Variants in ZSCAN5A observed in about 807,000 individuals in gnomAD.
ZSCAN5A encodes the protein zinc finger and SCAN domain-containing protein 5A.
Under a neutral mutation model 23.7 loss-of-function variants are expected in ZSCAN5A, and 12 were observed. The ratio of observed to expected loss-of-function variants is 0.51; its 90% CI spans 0.32 to 0.82. ZSCAN5A has a LOEUF of 0.82. ZSCAN5A is among the 40% of genes least tolerant of loss of function. ZSCAN5A has a pLI of 0.03. For missense variants in ZSCAN5A, 597 were observed against 617.9 expected (o/e 0.97, Z 0.36); for synonymous variants, 257 against 239.9 (o/e 1.07, Z -0.66).
Position 56,221,576 on chromosome 19 carries a change from C to T in ZSCAN5A, c.1490G>A (p.Ter497=), listed in dbSNP as rs747626844. The change falls in exon 6 of 6, where the codon TGA becomes TAA. Residue 497 remains the stop codon, a stop_retained_variant. Transcript: ENST00000683990. The part of the protein sequence containing the change: ...QKTHPEATSQ[*] ...GAAGGCATAGACCGGATTATGCAAT[C>T]ACTGAGAAGTAGCTTCTGGATGTGT... The T allele has an allele frequency of 6.3e-7, 1 of 1,588,568 alleles. No individual in the cohort carries two copies. The highest frequency in any genetic ancestry group is 8.6e-7 in the Non-Finnish European group (1 of 1,168,596).
At chr19:56,281,668 C>A in intron 2 of ZSCAN5A, 1 of 984,856 alleles carries the variant, frequency 1.0e-6, no homozygotes, top group Non-Finnish European at 1.2e-6. Flanking sequence ...GATTCACTGG[C>A]TCCTGGCTCT....
At chr19:56,321,250 C>CA (rs1365095327) in intron 2 of ZSCAN5A, 3 of 668,096 alleles carry the variant, frequency 4.5e-6, no homozygotes, top group Admixed American at 2.1e-5. Context: ...GTTGGGGTAT[C>CA]AGTAGTGCCA....
At chr19:56,345,627 A>G (rs1259809403) in intron 2 of ZSCAN5A, among the ~76,000 whole-genome samples, 2 of 152,320 alleles carry the variant, frequency 1.3e-5, no homozygotes, top group Admixed American at 1.3e-4. Context: ...AAAATTTATC[A>G]TAGAATGGTA....
chr19:56,248,639 CCAAGGCTGGTCT>C (rs1236904724), intron 2 of ZSCAN5A, among the ~76,000 whole-genome samples: 1 of 152,072 alleles, frequency 6.6e-6, no homozygotes. Flanking sequence ...GGTTTTGTTG[CCAAGGCTGGTCT>C]CAAAGTCCTG....
intron 2 of ZSCAN5A, among the ~76,000 whole-genome samples, chr19:56,290,444 TGAGCTA>T (rs2039436329): frequency 1.3e-5 from 2 of 152,358 alleles, no homozygotes; most frequent in African/African-American, 4.8e-5. Flanking sequence ...TATTGACCTC[TGAGCTA>T]GAGCAGTGCT....
intron 2 of ZSCAN5A, among the ~76,000 whole-genome samples, chr19:56,237,222 C>G (rs953688057): frequency 2.0e-5 from 3 of 152,160 alleles, no homozygotes; most frequent in Non-Finnish European, 1.5e-5. Context: ...GCGTTTCATT[C>G]AATTCTCTGT....
At chr19:56,301,356 T>G (rs993556144) in intron 2 of ZSCAN5A, among the ~76,000 whole-genome samples, 20 of 152,110 alleles carry the variant, frequency 1.3e-4, no homozygotes, top group Non-Finnish European at 2.4e-4. Flanking sequence ...GTAGGGGAAC[T>G]TCCTGAAGTT....
chr19:56,235,040 C>T (rs1393367282), intron 2 of ZSCAN5A, among the ~76,000 whole-genome samples: 11 of 151,802 alleles, frequency 7.2e-5, no homozygotes, highest in South Asian at 2.1e-4. Flanking sequence ...GAGACAGAAG[C>T]CTCCACTCCA....
rs556534314 is a variant in ZSCAN5A, at chr19:56,363,967, G to A, written c.-521-569C>T. ...TTCAAGAGAAGAATTCAAGTGAGCT[G>A]CTAAGCAACCACTTGATAGAGAAAT... On this transcript the variant is annotated intron_variant, in intron 1 of 6. Transcript: ENST00000587340. 1.8e-4 allele frequency among the ~76,000 whole-genome samples: 28 copies of A among 152,334 alleles called. No homozygotes were observed. In the South Asian group the frequency reaches 5.4e-3, roughly 29 times the overall value.
rs2041666948 is a variant in ZSCAN5A at position 56,351,467 on chromosome 19, T to C, written c.-358+11768A>G. Among the ~76,000 whole-genome samples the C allele has an allele frequency of 6.6e-6, 1 of 152,088 alleles. No homozygotes were observed. Among genetic ancestry groups the C allele is most frequent in the Admixed American group, 6.6e-5 (1 of 15,258 alleles). ...TAACACACCTGGTCAAGCCAATCCTTTGGGCCCTATGCAAACCAGATACTG... is the reference window on the plus strand; with the variant it reads ...TAACACACCTGGTCAAGCCAATCCTCTGGGCCCTATGCAAACCAGATACTG... On this transcript the variant is annotated intron_variant, in intron 2 of 6. Transcript: ENST00000587340. The surrounding 1 kb of genome is among the most constrained non-coding windows in gnomAD (Gnocchi z 4.8).
chr19:56,304,260 G>T (rs1235980306), intron 2 of ZSCAN5A, among the ~76,000 whole-genome samples: 1 of 152,222 alleles, frequency 6.6e-6, no homozygotes, highest in Non-Finnish European at 1.5e-5. Flanking sequence ...TATGCGCTGG[G>T]TGTGAGGAAT....
intron 2 of ZSCAN5A, among the ~76,000 whole-genome samples, chr19:56,260,172 G>A (rs551156860): frequency 9.8e-4 from 149 of 151,504 alleles, no homozygotes; most frequent in Non-Finnish European, 1.8e-3. Context: ...GAATATTTTG[G>A]GAAATATATA....
At chr19:56,248,990 T>C (rs1568646437) in intron 2 of ZSCAN5A, among the ~76,000 whole-genome samples, 1 of 152,076 alleles carries the variant, frequency 6.6e-6, no homozygotes, top group Non-Finnish European at 1.5e-5. Context: ...CACTGGAGTA[T>C]CATGGGGGAT....
At chr19:56,243,872 G>A (rs917435755) in intron 2 of ZSCAN5A, among the ~76,000 whole-genome samples, 15 of 152,094 alleles carry the variant, frequency 9.9e-5, no homozygotes, top group African/African-American at 2.2e-4. Flanking sequence ...TGGAAGGGAT[G>A]GGTGGATAGA....
At chr19:56,276,147 G>A (rs1203381863) in intron 2 of ZSCAN5A, among the ~76,000 whole-genome samples, 6 of 152,190 alleles carry the variant, frequency 3.9e-5, no homozygotes, top group Non-Finnish European at 8.8e-5. Context: ...TATTTTCATA[G>A]CTACCTCTCC....
At chr19:56,270,534 G>A (rs546411837) in intron 2 of ZSCAN5A, among the ~76,000 whole-genome samples, 1 of 152,220 alleles carries the variant, frequency 6.6e-6, no homozygotes, top group African/African-American at 2.4e-5. Flanking sequence ...ACGTGTACTG[G>A]AGCCAGCTTA....
At chr19:56,357,398 T>G (rs188322407) in intron 2 of ZSCAN5A, among the ~76,000 whole-genome samples, 1 of 148,408 alleles carries the variant, frequency 6.7e-6, no homozygotes, top group African/African-American at 2.5e-5. Flanking sequence ...CACGCAGTAT[T>G]TTGATACATG....
At chr19:56,343,095 C>A in intron 2 of ZSCAN5A, 1 of 772,490 alleles carries the variant, frequency 1.3e-6, no homozygotes, top group South Asian at 1.4e-5. Flanking sequence ...GGGCGGCCTT[C>A]GGGTCCTATC....
At chr19:56,320,239 T>C (rs1295918075) in intron 2 of ZSCAN5A, 1 of 551,984 alleles carries the variant, frequency 1.8e-6, no homozygotes, top group Non-Finnish European at 3.5e-6. Context: ...AGTTCAACAA[T>C]CCTGAGTAGG....
Sources: allele counts gnomAD v4.1 joint callset (sites outside exome capture counted in the v4.1 genomes callset), GRCh38; gene constraint gnomAD v4.1.1; non-coding constraint Gnocchi (gnomAD v3.1); transcripts MANE v1.5; gene names NCBI Gene and HGNC (gene_info 2026-07-23, HGNC 2026-07-21).